AK5: variants seen among roughly 807,000 people sequenced by gnomAD.
AK5 encodes adenylate kinase 5.
Under a neutral mutation model 69.5 loss-of-function variants are expected in AK5, and 27 were observed. The observed-to-expected ratio is 0.39, with a 90% confidence interval of 0.29 to 0.54. The LOEUF (loss-of-function observed/expected upper bound fraction) is 0.54, where lower values mean the gene tolerates loss of function less well. Among genes scored for constraint, AK5 ranks in the 20% least tolerant of loss-of-function variants. AK5 has a pLI of 0.71. For missense variants in AK5, 531 were observed against 700.4 expected, an observed-to-expected ratio of 0.76 and a Z score of 2.73; for synonymous variants, 260 against 244.4, an observed-to-expected ratio of 1.06 and a Z score of -0.60.
At chr1:77,451,770 T>C (rs964233650) in intron 8 of AK5, among the ~76,000 whole-genome samples, 10 of 152,238 alleles carry the variant, frequency 6.6e-5, no homozygotes, top group Non-Finnish European at 1.3e-4. Flanking sequence ...CTGTCGGCGA[T>C]TGCCTTTGCA....
intron 5 of AK5, among the ~76,000 whole-genome samples, chr1:77,303,990 T>A (rs1659489373): frequency 6.6e-6 from 1 of 152,216 alleles, no homozygotes; most frequent in Non-Finnish European, 1.5e-5. Flanking sequence ...CAAGCATTTA[T>A]CCATTGAGTT....
chr1:77,351,927 C>CTTTTTTTTTTTTTTTTTTTTTTT (rs10658959), intron 6 of AK5, among the ~76,000 whole-genome samples: 9 of 138,168 alleles, frequency 6.5e-5, no homozygotes, highest in Non-Finnish European at 4.6e-5. Context: ...GCAAGTAATT[C>CTTTTTTTTTTTTTTTTTTTTTTT]TTTTTTTTTT....
At chr1:77,393,623 G>A (rs1250315497) in intron 6 of AK5, among the ~76,000 whole-genome samples, 1 of 152,154 alleles carries the variant, frequency 6.6e-6, no homozygotes, top group Non-Finnish European at 1.5e-5. Context: ...CCACTTCCCA[G>A]TGTGGTAATT....
At position 77,422,013 on chromosome 1, in the gene AK5, C is replaced by T. The variant is rs181258098; in HGVS notation, c.1059+4298C>T. ...CTTGAATTCAACATGTCCAAAACCA[C>T]GCTCACCATCTTCCCCCACAAAATC... On this transcript the variant is annotated intron_variant, in intron 8 of 13. Coordinates refer to ENST00000354567, the MANE Select transcript of AK5 (RefSeq NM_174858.3). Among the ~76,000 whole-genome samples the T allele has an allele frequency of 1.1e-4, 17 of 152,308 alleles. 1 individual carries two copies. In the East Asian group the frequency reaches 2.1e-3, roughly 19 times the overall value.
intron 10 of AK5, among the ~76,000 whole-genome samples, chr1:77,486,629 C>T (rs530218994): frequency 1.3e-5 from 2 of 149,898 alleles, no homozygotes; most frequent in South Asian, 2.1e-4. Context: ...ACCCGGGAGG[C>T]AGAGCTTGCA....
chr1:77,495,072 G>A (rs1011060437), intron 10 of AK5, among the ~76,000 whole-genome samples: 3 of 152,044 alleles, frequency 2.0e-5, no homozygotes, highest in Non-Finnish European at 4.4e-5. Context: ...GTGAGCCACC[G>A]CACCCGGCCC....
intron 6 of AK5, among the ~76,000 whole-genome samples, chr1:77,383,834 A>G (rs1018304840): frequency 2.0e-5 from 3 of 152,156 alleles, no homozygotes; most frequent in Non-Finnish European, 2.9e-5. Flanking sequence ...ATAAGCCACA[A>G]TGAACTCTAG....
intron 6 of AK5, among the ~76,000 whole-genome samples, chr1:77,398,808 A>G (rs149568183): frequency 5.7e-4 from 87 of 152,278 alleles, no homozygotes; most frequent in Admixed American, 2.3e-3. Context: ...ATGCATCTCC[A>G]ATGATCAGTC....
At chr1:77,524,193 A>T (rs1320698301) in intron 12 of AK5, among the ~76,000 whole-genome samples, 1 of 152,164 alleles carries the variant, frequency 6.6e-6, no homozygotes, top group Non-Finnish European at 1.5e-5. Context: ...ATCGATAGAG[A>T]CTGGGGTTGC....
At chr1:77,473,285 A>G (rs903933328) in intron 8 of AK5, among the ~76,000 whole-genome samples, 9 of 151,404 alleles carry the variant, frequency 5.9e-5, no homozygotes, top group Non-Finnish European at 1.2e-4. Flanking sequence ...TGGTACGATC[A>G]CAACTCACTG....
intron 8 of AK5, among the ~76,000 whole-genome samples, chr1:77,425,776 G>A (rs1651166435): frequency 6.6e-6 from 1 of 152,240 alleles, no homozygotes; most frequent in South Asian, 2.1e-4. Flanking sequence ...TTATGATTCT[G>A]TATACATGTT....
intron 8 of AK5, among the ~76,000 whole-genome samples, chr1:77,422,353 AC>A (rs141635349): frequency 0.02 from 3,036 of 152,238 alleles, 106 homozygotes; most frequent in African/African-American, 0.069. Flanking sequence ...ATGGCTTAAA[AC>A]TTTTCTTGGC....
At chr1:77,449,341 G>A (rs946798551) in intron 8 of AK5, among the ~76,000 whole-genome samples, 19 of 152,214 alleles carry the variant, frequency 1.2e-4, no homozygotes, top group African/African-American at 4.6e-4. Flanking sequence ...TCATTCTGGA[G>A]CTTTAATATT....
intron 10 of AK5, among the ~76,000 whole-genome samples, chr1:77,505,955 C>A (rs1173207865): frequency 2.6e-5 from 4 of 151,944 alleles, no homozygotes; most frequent in African/African-American, 4.8e-5. Context: ...ATTTCCTATT[C>A]TATACACTTA....
intron 5 of AK5, among the ~76,000 whole-genome samples, chr1:77,323,192 A>G (rs374562739): frequency 6.6e-6 from 1 of 152,016 alleles, no homozygotes; most frequent in Non-Finnish European, 1.5e-5. Flanking sequence ...GAGTTTCGCC[A>G]TGTTGGCCGG....
intron 13 of AK5, among the ~76,000 whole-genome samples, chr1:77,555,082 A>C (rs911057524): frequency 6.6e-6 from 1 of 152,052 alleles, no homozygotes. Flanking sequence ...GGAGTTCAAG[A>C]TCAGCCTGGC....
chr1:77,483,192 C>T, intron 8 of AK5, 125 bp from the exon 9 acceptor site: 1 of 697,020 alleles, frequency 1.4e-6, no homozygotes, highest in South Asian at 1.7e-5. Context: ...TATTGTCCCT[C>T]ATAAAATTGT....
intron 6 of AK5, among the ~76,000 whole-genome samples, chr1:77,384,360 G>A (rs1647858590): frequency 6.6e-6 from 1 of 152,174 alleles, no homozygotes; most frequent in Non-Finnish European, 1.5e-5. Flanking sequence ...GAACTATGTA[G>A]TGATGGTGAT....
chr1:77,558,247 T>C (rs1358180857), intron 13 of AK5, among the ~76,000 whole-genome samples: 1 of 152,206 alleles, frequency 6.6e-6, no homozygotes, highest in Admixed American at 6.5e-5. Flanking sequence ...AAAAGTATGG[T>C]AAGAGTATGT....
Sources: gnomAD v4.1 joint callset for allele counts (sites outside exome capture counted in the v4.1 genomes callset) on GRCh38, gnomAD v4.1.1 for gene constraint, MANE v1.5 for transcripts, NCBI Gene and HGNC (gene_info 2026-07-23, HGNC 2026-07-21) for gene names.